Variants in RTTN observed in about 807,000 individuals in gnomAD.
The protein encoded by RTTN is rotatin.
Under a neutral mutation model 269.2 loss-of-function variants are expected in RTTN, and 182 were observed. The ratio of observed to expected loss-of-function variants is 0.68; its 90% CI spans 0.60 to 0.76. The LOEUF (loss-of-function observed/expected upper bound fraction) is 0.76. RTTN is among the 30% of genes least tolerant of loss of function. RTTN has a pLI of 0.00. For missense variants in RTTN, 2,545 were observed against 2,608.6 expected (o/e 0.98, Z 0.53); for synonymous variants, 1,006 against 963.5 (o/e 1.04, Z -0.82).
intron 28 of RTTN, among the ~76,000 whole-genome samples, chr18:70,098,212 T>A (rs1047512928): frequency 1.3e-5 from 2 of 152,176 alleles, no homozygotes; most frequent in Non-Finnish European, 1.5e-5. Context: ...AAGGCAGTGT[T>A]AAGAGGGAAA....
chr18:70,048,020 G>A lies in RTTN; in HGVS notation c.5492C>T (p.Ser1831Phe). 1 of 1,614,084 alleles carries A rather than the reference G, an allele frequency of 6.2e-7. No individual in the cohort carries two copies. Among genetic ancestry groups the A allele is most frequent in the Non-Finnish European group, 8.5e-7 (1 of 1,179,956 alleles). Residue 1831 changes from serine (S) to phenylalanine (F), a missense_variant, in exon 40 of 49, where the codon TCT becomes TTT. Coordinates refer to ENST00000640769, the MANE Select transcript of RTTN (RefSeq NM_173630.4). ...SPTVASLLDD[S>F]QENQKSLEQL... is the part of the protein sequence containing the mutation. ...TTCTAGAGATTTCTGATTTTCCTGA[G>A]AGTCATCAAGAAGTGAAGCCACTGT...
chr18:70,178,116 C>T (rs2061345215), intron 10 of RTTN, among the ~76,000 whole-genome samples: 1 of 152,138 alleles, frequency 6.6e-6, no homozygotes, highest in Non-Finnish European at 1.5e-5. Flanking sequence ...GACGCGATGG[C>T]TCACGCCTGT....
rs774527866 is a variant in RTTN at position 70,121,611 on chromosome 18, C to G, written c.3473G>C (p.Arg1158Thr). ...HFLNKLIKEQ[R>T]KNSSLELLNW... ...TAGAAGTTCTAGTGAAGAATTTTTT[C>G]TTTGTTCCTTTATTAATTTATTTAA... is the stretch of plus-strand genomic sequence containing the variant. Residue 1158 changes from arginine to threonine, a missense_variant, in exon 26 of 49, where the codon AGA becomes ACA. By Grantham distance (71) the Arg-to-Thr change is moderately conservative (BLOSUM62 -1). Coordinates refer to ENST00000640769, the MANE Select transcript of RTTN (RefSeq NM_173630.4). 10 of 1,580,266 alleles carry G rather than the reference C, an allele frequency of 6.3e-6. No homozygotes were observed. The highest frequency in any genetic ancestry group is 8.5e-6 in the Non-Finnish European group (10 of 1,169,680).
chr18:70,050,101 C>T (rs936693117), intron 39 of RTTN, among the ~76,000 whole-genome samples: 14 of 152,076 alleles, frequency 9.2e-5, no homozygotes, highest in African/African-American at 3.1e-4. Flanking sequence ...AGAGCGTCTG[C>T]ATAGCAAAAC....
chr18:70,199,048 G>T (rs117667590), intron 5 of RTTN, among the ~76,000 whole-genome samples: 1 of 152,124 alleles, frequency 6.6e-6, no homozygotes, highest in East Asian at 1.9e-4. Flanking sequence ...TTAGCTCAGC[G>T]TGGTGGTGCG....
At chr18:70,076,757 A>G (rs2058438856) in intron 32 of RTTN, among the ~76,000 whole-genome samples, 1 of 152,018 alleles carries the variant, frequency 6.6e-6, no homozygotes, top group Admixed American at 6.6e-5. Flanking sequence ...TTAAATGCAG[A>G]GGTCTAGAAG....
chr18:70,157,181 G>T (rs549998990), intron 14 of RTTN, among the ~76,000 whole-genome samples: 1 of 151,796 alleles, frequency 6.6e-6, no homozygotes, highest in Non-Finnish European at 1.5e-5. Context: ...ACCGCCCCAC[G>T]CCCCCCCAGA....
chr18:70,070,822 C>CT (rs2058274748), intron 34 of RTTN, among the ~76,000 whole-genome samples: 1 of 152,172 alleles, frequency 6.6e-6, no homozygotes, highest in Non-Finnish European at 1.5e-5. Flanking sequence ...TCTAAGTATG[C>CT]TTTATGTTCT....
chr18:70,160,028 T>C (rs2060784231), intron 14 of RTTN, among the ~76,000 whole-genome samples: 1 of 152,090 alleles, frequency 6.6e-6, no homozygotes, highest in Non-Finnish European at 1.5e-5. Context: ...TTACCAATCC[T>C]ACTGAAATTA....
intron 18 of RTTN, among the ~76,000 whole-genome samples, chr18:70,142,680 G>T (rs1455168602): frequency 6.6e-6 from 1 of 152,014 alleles, no homozygotes; most frequent in Non-Finnish European, 1.5e-5. Flanking sequence ...GCTATTTTTT[G>T]ACTTTTAATA....
intron 31 of RTTN, among the ~76,000 whole-genome samples, chr18:70,086,958 A>G (rs1340381830): frequency 6.6e-6 from 1 of 152,084 alleles, no homozygotes; most frequent in Non-Finnish European, 1.5e-5. Flanking sequence ...CTATTTCAGA[A>G]TTCAGCTTTA....
chr18:70,128,749 C>T (rs2059928742), intron 23 of RTTN: 1 of 494,544 alleles, frequency 2.0e-6, no homozygotes, highest in African/African-American at 1.9e-5. Flanking sequence ...CCCCAGAACA[C>T]TTAAATCCTT....
At chr18:70,112,483 C>CAAAAAAAAAAAAAAAAAAAAA (rs36147576) in intron 27 of RTTN, among the ~76,000 whole-genome samples, 2 of 68,046 alleles carry the variant, frequency 2.9e-5, no homozygotes, top group Non-Finnish European at 5.2e-5. Context: ...AAATGGAAAG[C>CAAAAAAAAAAAAAAAAAAAAA]AAAAAAAAAA....
intron 32 of RTTN, among the ~76,000 whole-genome samples, chr18:70,084,020 T>C (rs1368016152): frequency 6.6e-6 from 1 of 152,102 alleles, no homozygotes; most frequent in African/African-American, 2.4e-5. Flanking sequence ...AATTCATATA[T>C]GCATATTATT....
intron 10 of RTTN, 89 bp from the exon 11 acceptor site, chr18:70,176,934 T>G: frequency 2.2e-6 from 2 of 922,592 alleles, no homozygotes; most frequent in Non-Finnish European, 3.1e-6. Flanking sequence ...TTTAAAATAT[T>G]ATCATTTTCA....
rs540189953 is a variant in RTTN at position 70,021,536 on chromosome 18, A to C, written c.5951-719T>G. 9.2e-5 allele frequency among the ~76,000 whole-genome samples: 14 copies of C among 152,352 alleles called. No individual in the cohort carries two copies. In the East Asian group the frequency reaches 2.5e-3, roughly 27 times the overall value. ...TGATCAGAATCAAATACATTCTGTA[A>C]AAGAAACTCATAAAAGATGAGTAAA... On this transcript the variant is annotated intron_variant, in intron 44 of 48. Transcript: ENST00000640769.
chr18:70,139,871 AAAGT>A, intron 20 of RTTN, 155 bp from the exon 21 acceptor site: 1 of 631,704 alleles, frequency 1.6e-6, no homozygotes. Context: ...CTTTCCACTG[AAAGT>A]AAGTTTCGTA....
Position 70,027,862 on chromosome 18 carries a change from GAGTA to G in RTTN, c.5823+858_5823+861del, listed in dbSNP as rs766650963. ...ATCTGGCTTTTTAACATCGCTTAAG[GAGTA>G]AGTGTGTTCAACATGTCCATTTTCC... On this transcript the variant is annotated intron_variant, in intron 43 of 48. Coordinates refer to ENST00000640769, the MANE Select transcript of RTTN (RefSeq NM_173630.4). Among the ~76,000 whole-genome samples, 95 of 152,094 alleles carry G rather than the reference GAGTA, an allele frequency of 6.2e-4. 1 individual carries two copies. Among genetic ancestry groups the G allele is most frequent in the Non-Finnish European group, 8.8e-4 (60 of 68,006 alleles).
intron 28 of RTTN, among the ~76,000 whole-genome samples, chr18:70,094,185 T>A (rs1290894351): frequency 2.0e-5 from 3 of 152,216 alleles, no homozygotes; most frequent in Non-Finnish European, 4.4e-5. Context: ...TTCTTCTCTC[T>A]TTTCTTCTTT....
Sources: allele counts gnomAD v4.1 joint callset (sites outside exome capture counted in the v4.1 genomes callset), GRCh38; gene constraint gnomAD v4.1.1; transcripts MANE v1.5; gene names NCBI Gene and HGNC (gene_info 2026-07-23, HGNC 2026-07-21).